Variants in ASB2 observed in about 807,000 individuals in gnomAD.
ASB2 encodes the protein ankyrin repeat and SOCS box protein 2.
In ASB2, 58 loss-of-function variants were observed where a neutral mutation model predicts 62.4. The ratio of observed to expected loss-of-function variants is 0.93; its 90% CI spans 0.75 to 1.16. ASB2 has a LOEUF of 1.16. Ranked by LOEUF, ASB2 falls within the 50% of genes most tolerant of loss-of-function variation. The pLI is 0.00. For synonymous variants in ASB2, 386 were observed against 385.3 expected, an observed-to-expected ratio of 1.00 and a Z score of -0.02; for missense variants, 928 against 887.9, an observed-to-expected ratio of 1.05 and a Z score of -0.57.
At chr14:93,962,723 C>T (rs1889455192) in intron 2 of ASB2, among the ~76,000 whole-genome samples, 1 of 152,170 alleles carries the variant, frequency 6.6e-6, no homozygotes, top group Non-Finnish European at 1.5e-5. Flanking sequence ...TGAGGGGGCT[C>T]CTATGCTGGG....
At chr14:93,946,081 A>G (rs1490730441) in intron 7 of ASB2, among the ~76,000 whole-genome samples, 1 of 152,276 alleles carries the variant, frequency 6.6e-6, no homozygotes, top group Non-Finnish European at 1.5e-5. Flanking sequence ...CTAAACGATG[A>G]GAGTATAGAT....
chr14:93,953,514 AG>A lies in ASB2; in HGVS notation c.479-8del. The A allele has an allele frequency of 6.4e-7, 1 of 1,566,128 alleles. No individual in the cohort carries two copies. The highest frequency in any genetic ancestry group is 8.7e-7 in the Non-Finnish European group (1 of 1,148,538). ...TCGATGGTCCCTGGGTACGCTAGGG[AG>A]GGCCCACCGGGAAATTCATGTAGGA... is the stretch of plus-strand genomic sequence containing the variant. On this transcript the variant is annotated splice_polypyrimidine_tract_variant and splice_region_variant and intron_variant, in intron 4 of 9. Coordinates refer to ENST00000555019, the MANE Select transcript of ASB2 (RefSeq NM_001202429.2).
In ASB2 at chr14:93,964,578, C is replaced by G; in HGVS notation, c.-39G>C. 1 of 1,525,022 alleles carries G rather than the reference C, an allele frequency of 6.6e-7. No individual in the cohort carries two copies. The highest frequency in any genetic ancestry group is 8.8e-7 in the Non-Finnish European group (1 of 1,137,072). 94.5% of individuals were successfully genotyped at this position (1,525,022 alleles called of 1,614,324 possible). ...TCACCCTGGCCTCCAGAACAGACAC[C>G]CAGTGGGGAGGAGGGAACAGCAAAT... On this transcript the variant is annotated 5_prime_UTR_variant, in exon 2 of 10. Transcript: ENST00000555019.
intron 9 of ASB2, among the ~76,000 whole-genome samples, chr14:93,935,602 G>T (rs933988775): frequency 6.6e-5 from 10 of 152,144 alleles, no homozygotes; most frequent in Non-Finnish European, 1.2e-4. Context: ...TTCCAGGTAC[G>T]GAAGGGGGAC....
At chr14:93,967,233 C>T (rs935478060) in intron 1 of ASB2, among the ~76,000 whole-genome samples, 2 of 152,240 alleles carry the variant, frequency 1.3e-5, no homozygotes, top group African/African-American at 4.8e-5. Flanking sequence ...TGGCTTCCCA[C>T]TCCTTTGTTG....
intron 9 of ASB2, among the ~76,000 whole-genome samples, chr14:93,935,620 T>C (rs144670571): frequency 1.3e-5 from 2 of 152,140 alleles, no homozygotes; most frequent in Admixed American, 1.3e-4. Context: ...GACAGGGGCA[T>C]TCTAAGCAGG....
chr14:93,942,179 C>T (rs1488772488), intron 7 of ASB2: 2 of 455,850 alleles, frequency 4.4e-6, no homozygotes, highest in South Asian at 1.5e-5. Context: ...AACAGTCTGA[C>T]TCTTCCCACT....
At position 93,953,335 on chromosome 14, in the gene ASB2, C is replaced by T. The variant is rs200423598; in HGVS notation, c.634+17G>A. On this transcript the variant is annotated intron_variant, in intron 5 of 9. Transcript: ENST00000555019. Reference sequence around the variant, plus strand: ...GATTCTTCCGCAGGAAAGCTCACTCCGGGGTGGGGACCTCACCTTTGTAGA... The same window carrying T: ...GATTCTTCCGCAGGAAAGCTCACTCTGGGGTGGGGACCTCACCTTTGTAGA... 4.7e-4 allele frequency: 733 copies of T among 1,548,676 alleles called. 2 individuals are homozygous for T. The African/African-American group carries it at 8.8e-3, about 18-fold the overall frequency.
Position 93,948,216 on chromosome 14 carries a change from C to A in ASB2, c.881-696G>T, listed in dbSNP as rs144921129. Reference sequence around the variant, plus strand: ...GATTACAGATGGGGACAGTGAAGCACAGAACACCTAGACCACTTGCCTCAG... The same window carrying A: ...GATTACAGATGGGGACAGTGAAGCAAAGAACACCTAGACCACTTGCCTCAG... On this transcript the variant is annotated intron_variant, in intron 6 of 9. Transcript: ENST00000555019. 1,108 of 154,454 alleles carry A rather than the reference C, an allele frequency of 7.2e-3. 11 individuals carry two copies. Among genetic ancestry groups the A allele is most frequent in the African/African-American group, 0.022 (897 of 41,610 alleles). The allele number at this position is 154,454 out of a possible 1,614,324, so 9.6% of individuals were successfully genotyped here.
rs1471169127 is a variant in ASB2, at chr14:93,947,466, C to A, written c.935G>T (p.Cys312Phe). The A allele has an allele frequency of 1.2e-6, 2 of 1,614,154 alleles. No homozygotes were observed. Among genetic ancestry groups the A allele is most frequent in the African/African-American group, 1.3e-5 (1 of 74,954 alleles). Residue 312 changes from cysteine to phenylalanine, a missense_variant, in exon 7 of 10, where the codon TGC becomes TTC. Cys to Phe is a radical substitution (Grantham distance 205). Coordinates refer to ENST00000555019, the MANE Select transcript of ASB2 (RefSeq NM_001202429.2). ...CACCACCTCCTCATGCTCATTCTTG[C>A]AGGCCTCGTAGAGGGCAGACGCGTT... ...SDNASALYEACKNEHEEVVEF... is the reference protein window; with the variant it reads ...SDNASALYEAFKNEHEEVVEF...
chr14:93,964,731 T>C, intron 1 of ASB2, 119 bp from the exon 2 acceptor site: 1 of 622,890 alleles, frequency 1.6e-6, no homozygotes, highest in Non-Finnish European at 2.9e-6. Context: ...ATTTATTCAT[T>C]GGTCACATGA....
At chr14:93,959,431 GCTGGCTGGGGAGCCAGGGCCC>G (rs1237733377) in intron 2 of ASB2, among the ~76,000 whole-genome samples, 1 of 152,188 alleles carries the variant, frequency 6.6e-6, no homozygotes, top group Non-Finnish European at 1.5e-5. Context: ...GAGTCTCAGG[GCTGGCTGGGGAGCCAGGGCCC>G]CTGGCTGGGT....
In ASB2 at chr14:93,939,669, G is replaced by T. The variant is rs1276495258; in HGVS notation, c.1056C>A (p.Ile352=). The part of the protein sequence containing the change: ...HIASKKGNYR[I]VQMLLPVTSR... ...TGGTCACCGGCAGCAGCATCTGCAC[G>T]ATCCTGCCGGGTCGAGGGGCGGGCG... Residue 352 remains isoleucine (I), a synonymous_variant, in exon 8 of 10, where the codon ATC becomes ATA. Coordinates refer to ENST00000555019, the MANE Select transcript of ASB2 (RefSeq NM_001202429.2). The T allele has an allele frequency of 5.5e-6, 8 of 1,461,358 alleles. No homozygotes were observed. Among genetic ancestry groups the T allele is most frequent in the Non-Finnish European group, 7.2e-6 (8 of 1,113,782 alleles). The allele number at this position is 1,461,358 out of a possible 1,614,324, so 90.5% of individuals were successfully genotyped here.
intron 3 of ASB2, among the ~76,000 whole-genome samples, chr14:93,955,967 C>T (rs776564388): frequency 1.4e-4 from 22 of 152,170 alleles, no homozygotes; most frequent in Non-Finnish European, 3.1e-4. Context: ...TCAACCACTC[C>T]ACACACCCAC....
At chr14:93,957,467 G>A in intron 2 of ASB2, 1 of 883,952 alleles carries the variant, frequency 1.1e-6, no homozygotes. Flanking sequence ...TCGGAACCAG[G>A]GCTGCAGTCA....
chr14:93,939,075 G>A, intron 8 of ASB2, 33 bp downstream of exon 8: 1 of 1,428,370 alleles, frequency 7.0e-7, no homozygotes, highest in East Asian at 2.6e-5. Flanking sequence ...CACCCAAAAG[G>A]CGTGCTCCCC....
At position 93,964,528 on chromosome 14, in the gene ASB2, C is replaced by T. The variant is rs1217968496; in HGVS notation, c.12G>A (p.Gln4=). 4 of 1,536,004 alleles carry T rather than the reference C, an allele frequency of 2.6e-6. No individual in the cohort carries two copies. The East Asian group carries it at 9.8e-5, about 38-fold the overall frequency. Residue 4 remains glutamine, a synonymous_variant, in exon 2 of 10, where the codon CAG becomes CAA. Transcript: ENST00000555019. The stretch of plus-strand genomic sequence containing the variant: ...TACACTGGCTGCCCCGAGTGCTGAT[C>T]TGCGTGGCCATCCTCCTCCACCTCT... MAT[Q]ISTRGSQCTI...
chr14:93,945,580 A>G (rs1051062298), intron 7 of ASB2, among the ~76,000 whole-genome samples: 7 of 152,212 alleles, frequency 4.6e-5, no homozygotes, highest in African/African-American at 1.7e-4. Flanking sequence ...AGGCTCAGCA[A>G]GGTTAAGCAA....
intron 2 of ASB2, among the ~76,000 whole-genome samples, chr14:93,959,213 GCT>G (rs1437174289): frequency 2.6e-5 from 4 of 152,218 alleles, no homozygotes; most frequent in Non-Finnish European, 5.9e-5. Flanking sequence ...TGGTGATGCA[GCT>G]CATTAAAATT....
Sources: gnomAD v4.1 joint callset for allele counts (sites outside exome capture counted in the v4.1 genomes callset) on GRCh38, gnomAD v4.1.1 for gene constraint, MANE v1.5 for transcripts, NCBI Gene and HGNC (gene_info 2026-07-23, HGNC 2026-07-21) for gene names.